CACNB2: variants seen among roughly 807,000 people sequenced by gnomAD.
The protein encoded by CACNB2 is calcium voltage-gated channel auxiliary subunit beta 2, also known as voltage-dependent L-type calcium channel subunit beta-2.
Under a neutral mutation model 73.3 loss-of-function variants are expected in CACNB2, and 42 were observed. The ratio of observed to expected loss-of-function variants is 0.57; its 90% CI spans 0.45 to 0.74. CACNB2 has a LOEUF of 0.74. Among genes scored for constraint, CACNB2 ranks in the 30% least tolerant of loss-of-function variants. The pLI, the probability that CACNB2 is intolerant of heterozygous loss-of-function variation, is 0.00. For synonymous variants in CACNB2, 348 were observed against 310.3 expected (o/e 1.12, Z -1.28); for missense variants, 940 against 853.0 (o/e 1.10, Z -1.27).
intron 2 of CACNB2, among the ~76,000 whole-genome samples, chr10:18,197,529 A>C (rs146011256): frequency 6.6e-6 from 1 of 152,126 alleles, no homozygotes; most frequent in Non-Finnish European, 1.5e-5. Context: ...CAACAGTGTG[A>C]TGGTTATAGG....
intron 2 of CACNB2, among the ~76,000 whole-genome samples, chr10:18,357,100 A>G (rs942720723): frequency 6.0e-5 from 9 of 149,908 alleles, no homozygotes; most frequent in Non-Finnish European, 1.3e-4. Context: ...GCGCACCACC[A>G]TGCCCGGCTA....
intron 3 of CACNB2, among the ~76,000 whole-genome samples, chr10:18,422,332 CCTGTG>C (rs2045366897): frequency 6.6e-6 from 1 of 152,236 alleles, no homozygotes; most frequent in Non-Finnish European, 1.5e-5. Flanking sequence ...GGGAATCCCA[CCTGTG>C]GGTTGCAGAA....
chr10:18,437,635 T>C (rs983641192), intron 3 of CACNB2, among the ~76,000 whole-genome samples: 2 of 152,124 alleles, frequency 1.3e-5, no homozygotes, highest in Non-Finnish European at 2.9e-5. Context: ...GGCTAGAAAT[T>C]TAGTTGTCTG....
chr10:18,473,158 C>G (rs761889450), intron 3 of CACNB2, among the ~76,000 whole-genome samples: 5 of 152,178 alleles, frequency 3.3e-5, no homozygotes, highest in Non-Finnish European at 5.9e-5. Flanking sequence ...CGCTTTAGCT[C>G]CACCCACTGG....
chr10:18,209,595 G>T (rs1490594002), intron 2 of CACNB2, among the ~76,000 whole-genome samples: 5 of 152,070 alleles, frequency 3.3e-5, no homozygotes, highest in African/African-American at 1.2e-4. Context: ...AATTAAATAT[G>T]TGTTGCTGGT....
At chr10:18,472,589 A>G (rs991825823) in intron 3 of CACNB2, among the ~76,000 whole-genome samples, 22 of 152,056 alleles carry the variant, frequency 1.4e-4, no homozygotes, top group Admixed American at 1.2e-3. Context: ...GATAAAAGCC[A>G]CCTCCTTAGC....
chr10:18,425,653 G>A (rs1027020259), intron 3 of CACNB2, among the ~76,000 whole-genome samples: 2 of 152,024 alleles, frequency 1.3e-5, no homozygotes, highest in African/African-American at 4.8e-5. Context: ...AGACAACAGA[G>A]CAAGACCATG....
chr10:18,146,059 G>A (rs2030938793), intron 1 of CACNB2, among the ~76,000 whole-genome samples: 1 of 151,886 alleles, frequency 6.6e-6, no homozygotes, highest in Non-Finnish European at 1.5e-5. Context: ...TGTGTGAACT[G>A]AGCCATATTA....
chr10:18,172,667 C>T (rs2033324860), intron 2 of CACNB2, among the ~76,000 whole-genome samples: 2 of 152,096 alleles, frequency 1.3e-5, no homozygotes, highest in South Asian at 2.1e-4. Context: ...ATTTTAGTGT[C>T]ATCAGCCTTC....
chr10:18,519,130 A>G (rs2051578732), intron 9 of CACNB2, among the ~76,000 whole-genome samples, 162 bp downstream of exon 9: 1 of 152,184 alleles, frequency 6.6e-6, no homozygotes, highest in Non-Finnish European at 1.5e-5. Flanking sequence ...AATATTTATC[A>G]TATTTGCTTG....
At chr10:18,467,865 C>T (rs1267473299) in intron 3 of CACNB2, among the ~76,000 whole-genome samples, 1 of 152,220 alleles carries the variant, frequency 6.6e-6, no homozygotes, top group Non-Finnish European at 1.5e-5. Flanking sequence ...TGTTTGTAAG[C>T]CTGTCTCCTC....
intron 2 of CACNB2, among the ~76,000 whole-genome samples, chr10:18,152,018 G>A (rs1198171500): frequency 6.6e-6 from 1 of 152,136 alleles, no homozygotes; most frequent in African/African-American, 2.4e-5. Flanking sequence ...TTTTATTGGG[G>A]ACAGTTACAT....
chr10:18,464,052 A>G (rs1401058169), intron 3 of CACNB2, among the ~76,000 whole-genome samples: 1 of 152,062 alleles, frequency 6.6e-6, no homozygotes, highest in Non-Finnish European at 1.5e-5. Context: ...GTCTTATCTT[A>G]CCCAAGCTGT....
At chr10:18,475,425 A>G (rs1157246163) in intron 3 of CACNB2, among the ~76,000 whole-genome samples, 1 of 152,172 alleles carries the variant, frequency 6.6e-6, no homozygotes, top group African/African-American at 2.4e-5. Flanking sequence ...CCAGTCATTC[A>G]TTAGCATGCC....
intron 3 of CACNB2, among the ~76,000 whole-genome samples, chr10:18,428,290 A>G (rs1007002675): frequency 3.3e-5 from 5 of 152,124 alleles, no homozygotes; most frequent in Admixed American, 2.6e-4. Flanking sequence ...TTTGGTTGTG[A>G]TTACACATGT....
chr10:18,536,621 A>G (rs1044441759), intron 12 of CACNB2, among the ~76,000 whole-genome samples: 9 of 152,154 alleles, frequency 5.9e-5, no homozygotes, highest in African/African-American at 2.2e-4. Context: ...GAGAATCCTC[A>G]TCACTTACAG....
At chr10:18,447,956 C>T (rs963290987) in intron 3 of CACNB2, among the ~76,000 whole-genome samples, 7 of 152,020 alleles carry the variant, frequency 4.6e-5, no homozygotes, top group African/African-American at 1.7e-4. Context: ...AGAAAAGAAG[C>T]AGAAAAGAAG....
chr10:18,259,730 C>CAA (rs1491201687), intron 2 of CACNB2, among the ~76,000 whole-genome samples: 11 of 112,562 alleles, frequency 9.8e-5, no homozygotes, highest in East Asian at 5.1e-4. Context: ...GACTCTGTCT[C>CAA]AGAAAAAAAA....
chr10:18,224,981 C>T (rs1284179467), intron 2 of CACNB2, among the ~76,000 whole-genome samples: 1 of 152,174 alleles, frequency 6.6e-6, no homozygotes, highest in Non-Finnish European at 1.5e-5. Context: ...AAGGTGTCCG[C>T]GTGTTTCGCT....
Sources: allele counts gnomAD v4.1 joint callset (sites outside exome capture counted in the v4.1 genomes callset), GRCh38; gene constraint gnomAD v4.1.1; transcripts MANE v1.5; gene names NCBI Gene and HGNC (gene_info 2026-07-23, HGNC 2026-07-21).